TTC7A: variants seen among roughly 807,000 people sequenced by gnomAD.
The protein encoded by TTC7A is tetratricopeptide repeat domain 7A.
TTC7A carries 110 observed loss-of-function variants against 103.7 expected under a neutral mutation model. The ratio of observed to expected loss-of-function variants is 1.06; its 90% CI spans 0.91 to 1.24. The LOEUF (loss-of-function observed/expected upper bound fraction) is 1.24, where lower values mean the gene tolerates loss of function less well. TTC7A is among the 50% of genes most tolerant of loss of function. The pLI is 0.00. For missense variants in TTC7A, 1,340 were observed against 1,116.3 expected (o/e 1.20, Z -2.86); for synonymous variants, 521 against 467.9 (o/e 1.11, Z -1.47).
intron 16 of TTC7A, among the ~76,000 whole-genome samples, chr2:47,049,594 C>T (rs146693311): frequency 6.6e-4 from 100 of 152,156 alleles, no homozygotes; most frequent in Non-Finnish European, 1.3e-3. Flanking sequence ...CCAGGCTTTC[C>T]TTGGCAGTCA....
At chr2:46,961,845 G>T (rs1453446845) in intron 3 of TTC7A, among the ~76,000 whole-genome samples, 3 of 151,482 alleles carry the variant, frequency 2.0e-5, no homozygotes, top group Non-Finnish European at 4.4e-5. Flanking sequence ...GGAGGCGGAG[G>T]TTGCAGTGAC....
intron 2 of TTC7A, among the ~76,000 whole-genome samples, chr2:46,921,167 G>A (rs1669083768): frequency 1.3e-5 from 2 of 152,126 alleles, no homozygotes; most frequent in African/African-American, 2.4e-5. Flanking sequence ...TTATACTAGA[G>A]CTTTAAGCCG....
intron 1 of TTC7A, among the ~76,000 whole-genome samples, chr2:46,945,415 G>A (rs1451358854): frequency 6.6e-6 from 1 of 152,176 alleles, no homozygotes; most frequent in African/African-American, 2.4e-5. Context: ...ACCACACCCA[G>A]CTAATTTTTG....
At chr2:47,023,228 A>C (rs1679487679) in intron 12 of TTC7A, among the ~76,000 whole-genome samples, 180 bp from the exon 13 acceptor site, 1 of 152,236 alleles carries the variant, frequency 6.6e-6, no homozygotes, top group African/African-American at 2.4e-5. Flanking sequence ...AGCAACTGGC[A>C]TGCCAAGGAA....
In TTC7A at chr2:47,048,901, C is replaced by T. The variant is rs193050622; in HGVS notation, c.1920-1048C>T. On this transcript the variant is annotated intron_variant, in intron 16 of 19. Coordinates refer to ENST00000319190, the MANE Select transcript of TTC7A (RefSeq NM_020458.4). ...TATGGGCATGAGCCTCCATGCCTGG[C>T]CTGTCTCTGGCTTTTTTGCACCACA... 4.4e-3 allele frequency among the ~76,000 whole-genome samples: 666 copies of T among 152,332 alleles called. 12 individuals carry two copies. Among genetic ancestry groups the T allele is most frequent in the Non-Finnish European group, 3.2e-3 (216 of 68,030 alleles).
In TTC7A at chr2:47,038,110, T is replaced by A. The variant is rs910767810; in HGVS notation, c.1803-8205T>A. On this transcript the variant is annotated intron_variant, in intron 15 of 19. Coordinates refer to ENST00000319190, the MANE Select transcript of TTC7A (RefSeq NM_020458.4). ...TACTAAAAATAAATTTAAAAAAAAA[T>A]AAGCCAGGCGTGGTGGCGCATGCCT... Among the ~76,000 whole-genome samples the A allele has an allele frequency of 6.3e-4, 96 of 151,670 alleles. 1 individual carries two copies. The highest frequency in any genetic ancestry group is 2.2e-3 in the African/African-American group (89 of 41,300).
chr2:46,975,603 TG>T (rs1413705798), intron 4 of TTC7A, among the ~76,000 whole-genome samples: 1 of 152,250 alleles, frequency 6.6e-6, no homozygotes, highest in East Asian at 1.9e-4. Context: ...CTGGGTTAAC[TG>T]TCTGCAGGGT....
chr2:47,001,244 G>T (rs1181965582), intron 8 of TTC7A, among the ~76,000 whole-genome samples: 1 of 152,180 alleles, frequency 6.6e-6, no homozygotes, highest in African/African-American at 2.4e-5. Context: ...GCTGGGCAGA[G>T]GGAGAGGTTA....
At chr2:46,962,597 T>A (rs1672482450) in intron 3 of TTC7A, among the ~76,000 whole-genome samples, 2 of 152,196 alleles carry the variant, frequency 1.3e-5, no homozygotes, top group Admixed American at 6.5e-5. Context: ...GGGAAGCAGC[T>A]GTTTGGAAGA....
At chr2:46,979,770 G>A (rs886617330) in intron 5 of TTC7A, among the ~76,000 whole-genome samples, 4 of 152,220 alleles carry the variant, frequency 2.6e-5, no homozygotes, top group African/African-American at 4.8e-5. Flanking sequence ...ACTCCCAGGC[G>A]GGAGCTGAGG....
chr2:46,966,883 A>C (rs1672901662), intron 3 of TTC7A, among the ~76,000 whole-genome samples: 1 of 142,784 alleles, frequency 7.0e-6, no homozygotes, highest in Admixed American at 7.7e-5. Flanking sequence ...ACAGAAGCCA[A>C]ATTGCCTGTG....
At position 46,963,431 on chromosome 2, in the gene TTC7A, G is replaced by A. The variant is rs114380519; in HGVS notation, c.517+6424G>A. Among the ~76,000 whole-genome samples the A allele has an allele frequency of 8.3e-3, 1,259 of 152,334 alleles. 15 individuals are homozygous for A. The highest frequency in any genetic ancestry group is 0.028 in the African/African-American group (1,172 of 41,578). ...AAGGTCTCACCTCAAGACAAAATAG[G>A]CTGCATTCCAGCCGGTAGTGCTGCT... On this transcript the variant is annotated intron_variant, in intron 3 of 19. Coordinates refer to ENST00000319190, the MANE Select transcript of TTC7A (RefSeq NM_020458.4).
intron 2 of TTC7A, chr2:46,951,646 A>G (rs888815936): frequency 2.6e-5 from 12 of 456,108 alleles, no homozygotes; most frequent in Non-Finnish European, 5.3e-5. Context: ...CCTGGGCTCA[A>G]GCGATCCTCC....
intron 3 of TTC7A, chr2:46,958,415 C>G (rs1173511717): frequency 1.8e-6 from 2 of 1,137,792 alleles, no homozygotes; most frequent in Non-Finnish European, 2.4e-6. Context: ...CCCCCTTCCT[C>G]GGGCTTCCTT....
intron 6 of TTC7A, 35 bp downstream of exon 6, chr2:46,993,563 G>C (rs1216121666): frequency 1.9e-6 from 3 of 1,602,244 alleles, no homozygotes; most frequent in Non-Finnish European, 2.6e-6. Flanking sequence ...GGCTTATTTA[G>C]GAGTCAGCTT....
chr2:46,970,812 C>A (rs144601669), intron 3 of TTC7A, among the ~76,000 whole-genome samples: 1 of 152,224 alleles, frequency 6.6e-6, no homozygotes, highest in Non-Finnish European at 1.5e-5. Context: ...GGATCCTCCC[C>A]CTCCTGGTTG....
chr2:46,979,895 C>T (rs1368007080), intron 5 of TTC7A, among the ~76,000 whole-genome samples: 2 of 152,176 alleles, frequency 1.3e-5, no homozygotes, highest in African/African-American at 2.4e-5. Context: ...GGAGCAGACC[C>T]ATAGGTGCCA....
intron 2 of TTC7A, among the ~76,000 whole-genome samples, chr2:46,951,376 T>G (rs1258077290): frequency 6.6e-6 from 1 of 152,202 alleles, no homozygotes; most frequent in Non-Finnish European, 1.5e-5. Flanking sequence ...CCTGGGTGAT[T>G]CATATGTGCA....
intron 19 of TTC7A, among the ~76,000 whole-genome samples, chr2:47,062,512 T>C (rs4633966): frequency 1 from 152,321 of 152,322 alleles, 76,160 homozygotes; most frequent in Middle Eastern, 1. Context: ...ATTAGCTTCT[T>C]TGATAAATGC....
Sources: gnomAD v4.1 joint callset for allele counts (sites outside exome capture counted in the v4.1 genomes callset) on GRCh38, gnomAD v4.1.1 for gene constraint, MANE v1.5 for transcripts, NCBI Gene and HGNC (gene_info 2026-07-23, HGNC 2026-07-21) for gene names.